ZNF627: variants seen among roughly 807,000 people sequenced by gnomAD.
ZNF627 encodes zinc finger protein 627.
ZNF627 carries 12 observed loss-of-function variants against 10.6 expected under a neutral mutation model. The observed-to-expected ratio is 1.13, with a 90% confidence interval of 0.73 to 1.84. The LOEUF (loss-of-function observed/expected upper bound fraction) is 1.84. Ranked by LOEUF, ZNF627 falls within the 40% of genes most tolerant of loss-of-function variation. ZNF627 has a pLI of 0.00. For missense variants in ZNF627, 504 were observed against 568.4 expected (o/e 0.89, Z 1.15); for synonymous variants, 176 against 187.1 (o/e 0.94, Z 0.48).
At chr19:11,614,488 G>T in intron 1 of ZNF627, 39 bp from the exon 2 acceptor site, 1 of 1,613,086 alleles carries the variant, frequency 6.2e-7, no homozygotes, top group Non-Finnish European at 8.5e-7. Flanking sequence ...AGTGCTGTCT[G>T]TCTCAACCTT....
At position 11,616,715 on chromosome 19, in the gene ZNF627, G is replaced by C. The variant is rs902718504; in HGVS notation, c.212G>C (p.Cys71Ser). 2 of 1,594,088 alleles carry C rather than the reference G, an allele frequency of 1.3e-6. No homozygotes were observed. The highest frequency in any genetic ancestry group is 2.7e-5 in the African/African-American group (2 of 74,074). Residue 71 changes from cysteine to serine, a missense_variant, in exon 4 of 4, where the codon TGT becomes TCT. Physicochemically the swap from Cys to Ser is moderately radical, Grantham distance 112. Transcript: ENST00000361113. ...ACAAGTCATATTCCAGAGAGACTCT[G>C]TGAAAGTAAAGAAGGTGGTCAAGGT... ...RNISHIPERL[C>S]ESKEGGQGEE...
intron 1 of ZNF627, 116 bp downstream of exon 1, chr19:11,597,746 G>A: frequency 1.7e-6 from 2 of 1,143,548 alleles, no homozygotes; most frequent in Non-Finnish European, 2.3e-6. Context: ...TCTGGGACCC[G>A]AGTTCCCTCG....
At chr19:11,615,716 C>CTTTTT in intron 3 of ZNF627, among the ~76,000 whole-genome samples, 1 of 131,462 alleles carries the variant, frequency 7.6e-6, no homozygotes, top group Non-Finnish European at 1.6e-5. Flanking sequence ...ATACGAATAT[C>CTTTTT]TTTTTTTTTT....
intron 1 of ZNF627, among the ~76,000 whole-genome samples, chr19:11,613,730 G>T (rs1272059028): frequency 6.6e-6 from 1 of 151,960 alleles, no homozygotes; most frequent in Non-Finnish European, 1.5e-5. Flanking sequence ...GCTTCCCACA[G>T]AGATTTTGCT....
chr19:11,613,394 C>G (rs1283387856), intron 1 of ZNF627, among the ~76,000 whole-genome samples: 3 of 150,776 alleles, frequency 2.0e-5, no homozygotes, highest in African/African-American at 7.3e-5. Context: ...AAGCAGGAAG[C>G]AATTTTTCTA....
Position 11,614,784 on chromosome 19 carries a change from T to C in ZNF627, c.131-43T>C, listed in dbSNP as rs747622537. 1.9e-6 allele frequency: 3 copies of C among 1,589,548 alleles called. No homozygotes were observed. The East Asian group carries it at 6.8e-5, about 36-fold the overall frequency. On this transcript the variant is annotated intron_variant, in intron 2 of 3. Transcript: ENST00000361113. ...ATAGAATCTAATACTTTTTTCATAA[T>C]TTTATACTAATTCATAATGACTTTT...
Position 11,614,559 on chromosome 19 carries a change from C to G in ZNF627, c.36C>G (p.Asn12Lys). 6.2e-7 allele frequency: 1 copy of G among 1,613,894 alleles called. No homozygotes were observed. Among genetic ancestry groups the G allele is most frequent in the Non-Finnish European group, 8.5e-7 (1 of 1,179,970 alleles). ...DSVAFEDVAV[N>K]FTLEEWALLD... ...TGGCCTTTGAGGATGTGGCTGTGAA[C>G]TTCACCCTGGAGGAGTGGGCTTTGC... Residue 12 changes from asparagine (N) to lysine (K), a missense_variant, in exon 2 of 4, where the codon AAC (asparagine) becomes AAG (lysine). Coordinates refer to ENST00000361113, the MANE Select transcript of ZNF627 (RefSeq NM_145295.4).
chr19:11,610,127 C>T (rs1275653451), intron 1 of ZNF627, among the ~76,000 whole-genome samples: 3 of 148,168 alleles, frequency 2.0e-5, no homozygotes. Flanking sequence ...TCTCAGCTCA[C>T]TGCAACCTCC....
Position 11,606,725 on chromosome 19 carries a change from C to T in ZNF627, c.4-7802C>T, listed in dbSNP as rs988906040. ...GCACACCTCTGCCTGGACACCCAGGCGTTTTTGTACATCTTCTGAAATCTC... is the reference window on the plus strand; with the variant it reads ...GCACACCTCTGCCTGGACACCCAGGTGTTTTTGTACATCTTCTGAAATCTC... On this transcript the variant is annotated intron_variant, in intron 1 of 3. Coordinates refer to ENST00000361113, the MANE Select transcript of ZNF627 (RefSeq NM_145295.4). Among the ~76,000 whole-genome samples, 12 of 152,236 alleles carry T rather than the reference C, an allele frequency of 7.9e-5. 1 individual carries two copies. In the South Asian group the frequency reaches 8.3e-4, roughly 11 times the overall value.
At chr19:11,616,558 G>T (rs1177514018) in intron 3 of ZNF627, 137 bp from the exon 4 acceptor site, 2 of 587,680 alleles carry the variant, frequency 3.4e-6, no homozygotes, top group East Asian at 6.4e-5. Flanking sequence ...TGGAGTTCAG[G>T]GTTCACGCCT....
chr19:11,605,080 CTTTTT>C (rs1006143184), intron 1 of ZNF627, among the ~76,000 whole-genome samples: 1 of 105,912 alleles, frequency 9.4e-6, no homozygotes, highest in African/African-American at 3.7e-5. Context: ...TTCTTTCTTT[CTTTTT>C]TTTTTTTTTT....
intron 1 of ZNF627, among the ~76,000 whole-genome samples, chr19:11,605,312 C>A (rs1416676489): frequency 6.6e-6 from 1 of 151,704 alleles, no homozygotes; most frequent in African/African-American, 2.4e-5. Context: ...GTCTTGAACT[C>A]CTGACCTCAT....
intron 1 of ZNF627, among the ~76,000 whole-genome samples, chr19:11,614,283 A>G (rs1415284309): frequency 2.6e-5 from 4 of 152,204 alleles, no homozygotes; most frequent in Admixed American, 1.3e-4. Flanking sequence ...GGGGTGGCCC[A>G]GGCAGTACAT....
rs781776108 is a variant in ZNF627, at chr19:11,616,980, G to A, written c.477G>A (p.Arg159=). The change falls in exon 4 of 4, where the codon AGG becomes AGA. Residue 159 remains arginine (R), a synonymous_variant. Coordinates refer to ENST00000361113, the MANE Select transcript of ZNF627 (RefSeq NM_145295.4). ...ATCGCTCTTTTCCAGTACGTGAAAG[G>A]ACTCATCCTGGAGGAAAGCCCTATG... The part of the protein sequence containing the change: ...SYHRSFPVRE[R]THPGGKPYDC... The A allele has an allele frequency of 3.1e-6, 5 of 1,614,144 alleles. No homozygotes were observed. The highest frequency in any genetic ancestry group is 1.7e-5 in the Admixed American group (1 of 60,022).
chr19:11,603,089 A>G (rs1428853804), intron 1 of ZNF627, among the ~76,000 whole-genome samples: 1 of 152,114 alleles, frequency 6.6e-6, no homozygotes, highest in Non-Finnish European at 1.5e-5. Flanking sequence ...AGTTATTACC[A>G]TTAATATTAT....
At chr19:11,605,145 G>T (rs1239596618) in intron 1 of ZNF627, among the ~76,000 whole-genome samples, 2 of 139,312 alleles carry the variant, frequency 1.4e-5, no homozygotes, top group Non-Finnish European at 3.0e-5. Flanking sequence ...GTGCAGTGGT[G>T]CGATCATGGC....
At chr19:11,616,634 A>G in intron 3 of ZNF627, 61 bp from the exon 4 acceptor site, 1 of 1,162,132 alleles carries the variant, frequency 8.6e-7, no homozygotes, top group Non-Finnish European at 1.2e-6. Context: ...ATACCTATTA[A>G]TAAATATAAA....
intron 1 of ZNF627, chr19:11,604,391 C>CA (rs1437580472): frequency 6.6e-6 from 1 of 152,202 alleles, no homozygotes; most frequent in Non-Finnish European, 1.5e-5. Context: ...CTGTAGGAGG[C>CA]AGTCTACCTC....
chr19:11,613,216 C>T (rs1396824297), intron 1 of ZNF627, among the ~76,000 whole-genome samples: 4 of 105,740 alleles, frequency 3.8e-5, no homozygotes, highest in Admixed American at 2.2e-4. Context: ...CACTTGGTTT[C>T]CCAGCATGGT....
Sources: allele counts gnomAD v4.1 joint callset (sites outside exome capture counted in the v4.1 genomes callset), GRCh38; gene constraint gnomAD v4.1.1; transcripts MANE v1.5; gene names NCBI Gene and HGNC (gene_info 2026-07-23, HGNC 2026-07-21).